The following LRBA variants were observed in gnomAD, a reference collection of about 807,000 sequenced individuals.
LRBA encodes LPS responsive beige-like anchor protein, also known as lipopolysaccharide-responsive and beige-like anchor protein.
A neutral mutation model predicts 330.0 loss-of-function variants in LRBA; 176 were observed. The ratio of observed to expected loss-of-function variants is 0.53; its 90% CI spans 0.47 to 0.60. LRBA has a LOEUF of 0.60. LRBA is among the 20% of genes least tolerant of loss of function. The probability of loss-of-function intolerance (pLI) is 0.00; values close to 1 mark genes in which losing one functional copy is unlikely to be tolerated. For missense variants in LRBA, 3,259 were observed against 3,444.8 expected (o/e 0.95, Z 1.35); for synonymous variants, 1,230 against 1,193.0 (o/e 1.03, Z -0.64).
intron 37 of LRBA, among the ~76,000 whole-genome samples, chr4:150,680,750 G>A (rs1031982990): frequency 3.9e-5 from 6 of 152,114 alleles, no homozygotes; most frequent in African/African-American, 1.4e-4. Flanking sequence ...TATACTGAAT[G>A]TAGCACCTGA....
At chr4:150,520,779 C>T (rs1026778604) in intron 40 of LRBA, among the ~76,000 whole-genome samples, 1 of 152,136 alleles carries the variant, frequency 6.6e-6, no homozygotes, top group African/African-American at 2.4e-5. Flanking sequence ...ACACTGGGGC[C>T]TACTTGAGGT....
chr4:150,452,840 C>T (rs1319010495), intron 44 of LRBA, among the ~76,000 whole-genome samples: 1 of 152,008 alleles, frequency 6.6e-6, no homozygotes, highest in Non-Finnish European at 1.5e-5. Context: ...AAAAAGGCTG[C>T]TAGTAATAAT....
chr4:150,914,215 GATAA>G lies in LRBA; in HGVS notation c.1137_1140del (p.Tyr380SerfsTer75), dbSNP rs1732320497. The G allele has an allele frequency of 6.2e-7, 1 of 1,607,640 alleles. No homozygotes were observed. Among genetic ancestry groups the G allele is most frequent in the Non-Finnish European group, 8.5e-7 (1 of 1,176,662 alleles). On this transcript the variant is annotated frameshift_variant, in exon 9 of 57. Coordinates refer to ENST00000651943, the MANE Select transcript of LRBA (RefSeq NM_001364905.1). LOFTEE classifies it high-confidence loss of function. ...ACTACCTTGTATCCCAGGCCCAACT[GATAA>G]ATAGCAAATATCTGAGCTGCATTTA... is the stretch of plus-strand genomic sequence containing the variant.
chr4:150,742,144 A>ATAT lies in LRBA; in HGVS notation c.5646-6779_5646-6778insATA, dbSNP rs1553951288. ...TATTATTATTATCATTATTATTATT[A>ATAT]TTATTATTTTTTTTTTTTAGGGACA... On this transcript the variant is annotated intron_variant, in intron 35 of 56. Transcript: ENST00000651943. Among the ~76,000 whole-genome samples, 39 of 13,052 alleles carry ATAT rather than the reference A, an allele frequency of 3.0e-3. 1 individual carries two copies. In the South Asian group the frequency reaches 0.037, roughly 12 times the overall value. The allele number at this position is 13,052 out of a possible 152,430, so 8.6% of individuals were successfully genotyped here. A position where few individuals can be genotyped will look rare whatever the true frequency, so the allele number is the denominator to read the frequency against.
At chr4:150,822,370 T>C (rs1745567075) in intron 30 of LRBA, among the ~76,000 whole-genome samples, 1 of 152,212 alleles carries the variant, frequency 6.6e-6, no homozygotes, top group African/African-American at 2.4e-5. Flanking sequence ...TTTTGATCAT[T>C]AGTAAACAAT....
At chr4:150,545,269 A>G (rs1765733076) in intron 40 of LRBA, among the ~76,000 whole-genome samples, 1 of 152,210 alleles carries the variant, frequency 6.6e-6, no homozygotes, top group Non-Finnish European at 1.5e-5. Context: ...AGAATGTACT[A>G]GTTAAAATAA....
At chr4:150,332,151 T>C (rs1734078398) in intron 48 of LRBA, among the ~76,000 whole-genome samples, 1 of 152,190 alleles carries the variant, frequency 6.6e-6, no homozygotes, top group African/African-American at 2.4e-5. Context: ...ACTACTCATC[T>C]TTAAGATGAA....
At chr4:150,857,509 G>A (rs763576975) in intron 22 of LRBA, among the ~76,000 whole-genome samples, 9 of 152,038 alleles carry the variant, frequency 5.9e-5, no homozygotes, top group South Asian at 2.1e-4. Flanking sequence ...CAAATCTAGC[G>A]TATAAACTGG....
Position 150,359,167 on chromosome 4 carries a change from T to C in LRBA, c.7195-9008A>G, listed in dbSNP as rs115305446. On this transcript the variant is annotated intron_variant, in intron 47 of 56. Coordinates refer to ENST00000651943, the MANE Select transcript of LRBA (RefSeq NM_001364905.1). ...CTTTGTGTATGCGATTGCATACTTGTATATTATATAGGACTAAAAGTATTA... is the reference window on the plus strand; with the variant it reads ...CTTTGTGTATGCGATTGCATACTTGCATATTATATAGGACTAAAAGTATTA... Among the ~76,000 whole-genome samples the C allele has an allele frequency of 5.0e-3, 755 of 152,354 alleles. 7 individuals are homozygous for C. The highest frequency in any genetic ancestry group is 0.017 in the African/African-American group (724 of 41,582).
intron 47 of LRBA, among the ~76,000 whole-genome samples, chr4:150,377,761 A>T (rs1341411513): frequency 6.6e-6 from 1 of 152,010 alleles, no homozygotes; most frequent in Non-Finnish European, 1.5e-5. Context: ...TTTTATACCA[A>T]TTTATTTATT....
At chr4:150,919,384 T>A (rs1472264516) in intron 5 of LRBA, among the ~76,000 whole-genome samples, 3 of 152,208 alleles carry the variant, frequency 2.0e-5, no homozygotes, top group Non-Finnish European at 4.4e-5. Flanking sequence ...AGCTGTTTTG[T>A]AAAAAATTCA....
chr4:150,298,225 A>G (rs917117385), intron 53 of LRBA, among the ~76,000 whole-genome samples: 2 of 152,182 alleles, frequency 1.3e-5, no homozygotes, highest in Non-Finnish European at 2.9e-5. Context: ...AAAAATATGC[A>G]TACACATAAG....
intron 37 of LRBA, among the ~76,000 whole-genome samples, chr4:150,610,390 C>A (rs190275915): frequency 6.6e-6 from 1 of 152,240 alleles, no homozygotes; most frequent in East Asian, 1.9e-4. Context: ...GAGTTCGAGA[C>A]CATCCTGGCC....
chr4:150,363,225 T>C (rs763006344), intron 47 of LRBA, among the ~76,000 whole-genome samples: 1 of 152,202 alleles, frequency 6.6e-6, no homozygotes, highest in Non-Finnish European at 1.5e-5. Context: ...ATATCTGTAA[T>C]GTCCATTCCA....
chr4:150,570,031 T>C (rs570036324), intron 40 of LRBA, among the ~76,000 whole-genome samples: 35 of 152,134 alleles, frequency 2.3e-4, no homozygotes, highest in Non-Finnish European at 4.7e-4. Flanking sequence ...TCTCAAACTA[T>C]AAGCTACATA....
chr4:150,472,164 C>T (rs1266447303), intron 42 of LRBA, among the ~76,000 whole-genome samples: 1 of 151,920 alleles, frequency 6.6e-6, no homozygotes, highest in African/African-American at 2.4e-5. Context: ...AATATATTTG[C>T]ATACACTTTG....
At chr4:150,381,949 G>T (rs1446366006) in intron 47 of LRBA, among the ~76,000 whole-genome samples, 2 of 152,180 alleles carry the variant, frequency 1.3e-5, no homozygotes, top group Non-Finnish European at 2.9e-5. Context: ...TGGCCATTCA[G>T]ATATCTTCTT....
chr4:150,953,371 C>T (rs530851594), intron 2 of LRBA, among the ~76,000 whole-genome samples: 1 of 144,784 alleles, frequency 6.9e-6, no homozygotes, highest in Non-Finnish European at 1.5e-5. Flanking sequence ...CTCCCTCCCC[C>T]TCCCCCTCCC....
intron 38 of LRBA, among the ~76,000 whole-genome samples, 197 bp downstream of exon 38, chr4:150,598,806 ATAAT>A (rs1422005839): frequency 2.6e-5 from 4 of 152,250 alleles, no homozygotes; most frequent in African/African-American, 4.8e-5. Flanking sequence ...TATGTGTAAC[ATAAT>A]TAATAAATAT....
Sources: allele counts gnomAD v4.1 joint callset (sites outside exome capture counted in the v4.1 genomes callset), GRCh38; gene constraint gnomAD v4.1.1; transcripts MANE v1.5; gene names NCBI Gene and HGNC (gene_info 2026-07-23, HGNC 2026-07-21).